The following ACACB variants were observed in gnomAD, a reference collection of about 807,000 sequenced individuals.
ACACB encodes the protein acetyl-CoA carboxylase beta.
Under a neutral mutation model 278.8 loss-of-function variants are expected in ACACB, and 209 were observed. The ratio of observed to expected loss-of-function variants is 0.75; its 90% CI spans 0.67 to 0.84. The LOEUF (loss-of-function observed/expected upper bound fraction) is 0.84, where lower values mean the gene tolerates loss of function less well. ACACB is among the 40% of genes least tolerant of loss of function. ACACB has a pLI of 0.00. For synonymous variants in ACACB, 1,174 were observed against 1,285.6 expected, an observed-to-expected ratio of 0.91 and a Z score of 1.86; for missense variants, 2,850 against 3,269.0, an observed-to-expected ratio of 0.87 and a Z score of 3.13.
intron 29 of ACACB, among the ~76,000 whole-genome samples, chr12:109,233,294 T>G (rs951664803): frequency 3.3e-5 from 5 of 152,258 alleles, no homozygotes; most frequent in Non-Finnish European, 7.3e-5. Context: ...GTTACTGTTA[T>G]AGTCTTTTTT....
intron 1 of ACACB, among the ~76,000 whole-genome samples, chr12:109,133,762 G>A (rs2042889828): frequency 6.8e-6 from 1 of 146,816 alleles, no homozygotes; most frequent in African/African-American, 2.6e-5. Flanking sequence ...CCTGAATGCA[G>A]TTTCAGAAAT....
At chr12:109,142,545 ATCTC>A (rs1299159763) in intron 2 of ACACB, among the ~76,000 whole-genome samples, 2 of 151,770 alleles carry the variant, frequency 1.3e-5, no homozygotes, top group Non-Finnish European at 2.9e-5. Context: ...GGCGAAAACT[ATCTC>A]TCTCTTTCTC....
At chr12:109,213,975 C>T (rs921974271) in intron 22 of ACACB, among the ~76,000 whole-genome samples, 1 of 151,996 alleles carries the variant, frequency 6.6e-6, no homozygotes, top group South Asian at 2.1e-4. Context: ...ACAATCAGGG[C>T]CAGGCGCTGT....
intron 9 of ACACB, among the ~76,000 whole-genome samples, chr12:109,177,035 T>A (rs925786825): frequency 3.3e-5 from 5 of 152,252 alleles, no homozygotes; most frequent in African/African-American, 9.6e-5. Flanking sequence ...CTGACAATCT[T>A]CCCATTCTTA....
At chr12:109,122,296 G>A (rs2042566661) in intron 1 of ACACB, among the ~76,000 whole-genome samples, 1 of 152,212 alleles carries the variant, frequency 6.6e-6, no homozygotes, top group Non-Finnish European at 1.5e-5. Flanking sequence ...TCACAAGGTG[G>A]AATGAGACAA....
In ACACB at chr12:109,251,924, G is replaced by A. The variant is rs1219718654; in HGVS notation, c.5791-122G>A. The A allele has an allele frequency of 1.3e-5, 8 of 615,234 alleles. No individual in the cohort carries two copies. The East Asian group carries it at 1.5e-4, about 12-fold the overall frequency. The allele number at this position is 615,234 out of a possible 1,614,324, so 38.1% of individuals were successfully genotyped here. A position where few individuals can be genotyped will look rare whatever the true frequency, so the allele number is the denominator to read the frequency against. On this transcript the variant is annotated intron_variant, in intron 41 of 52. Transcript: ENST00000338432. ...CTCTACTGTGGTTTGGCTCCAAATC[G>A]GGTTGCCATTGGTCAAAACATAACT... is the stretch of plus-strand genomic sequence containing the variant.
chr12:109,242,315 G>T, intron 36 of ACACB, 122 bp from the exon 37 acceptor site: 1 of 1,133,126 alleles, frequency 8.8e-7, no homozygotes, highest in East Asian at 2.4e-5. Context: ...CACTCACTTT[G>T]TCATGCCATG....
upstream of ACACB, among the ~76,000 whole-genome samples, chr12:109,112,339 C>CT (rs1418328256): frequency 6.7e-6 from 1 of 149,940 alleles, no homozygotes; most frequent in African/African-American, 2.5e-5. Flanking sequence ...TGTGGTGACA[C>CT]TTTAAACAGT....
chr12:109,212,730 C>T (rs983078500), intron 21 of ACACB, 106 bp from the exon 22 acceptor site: 8 of 885,206 alleles, frequency 9.0e-6, no homozygotes, highest in South Asian at 3.0e-5. Context: ...TAACAGGCCA[C>T]GGACCAGTGC....
rs143471216 is a variant in ACACB at position 109,118,509 on chromosome 12, G to A, written c.-10+1805G>A. Among the ~76,000 whole-genome samples the A allele has an allele frequency of 1.2e-3, 178 of 151,512 alleles. 3 individuals are homozygous for A. Among genetic ancestry groups the A allele is most frequent in the African/African-American group, 6.8e-4 (28 of 41,212 alleles). On this transcript the variant is annotated intron_variant, in intron 1 of 52. Transcript: ENST00000338432. ...GCTCACTGCAACCCCTGCCTCCCAG[G>A]TTCAAGCAATTCCTCAGTCTCAGTC...
At chr12:109,135,066 G>A (rs2042933584) in intron 1 of ACACB, among the ~76,000 whole-genome samples, 1 of 152,068 alleles carries the variant, frequency 6.6e-6, no homozygotes, top group African/African-American at 2.4e-5. Flanking sequence ...ATAATTCTAT[G>A]TTCAACTTTT....
At chr12:109,228,141 G>A (rs2046368064) in intron 28 of ACACB, among the ~76,000 whole-genome samples, 1 of 151,572 alleles carries the variant, frequency 6.6e-6, no homozygotes. Context: ...TTCGAGACCA[G>A]CCTGGCCAAC....
intron 28 of ACACB, among the ~76,000 whole-genome samples, chr12:109,230,697 T>C (rs1039934202): frequency 1.3e-5 from 2 of 152,206 alleles, no homozygotes; most frequent in African/African-American, 4.8e-5. Context: ...CCCAAAGTGC[T>C]GATATTATAG....
Position 109,181,840 on chromosome 12 carries a change from C to CTTTTTTTTTTTTTTTTT in ACACB, c.1818+1759_1818+1775dup, listed in dbSNP as rs34174568. On this transcript the variant is annotated intron_variant, in intron 11 of 52. Coordinates refer to ENST00000338432, the MANE Select transcript of ACACB (RefSeq NM_001093.4). ...CTTTTTCTGTTTTCTTTTTCCTTTC[C>CTTTTTTTTTTTTTTTTT]TTTTTTTTTTTTTTTTTTTTTTGAG... Among the ~76,000 whole-genome samples, 3 of 81,550 alleles carry CTTTTTTTTTTTTTTTTT rather than the reference C, an allele frequency of 3.7e-5. 1 individual carries two copies. Among genetic ancestry groups the CTTTTTTTTTTTTTTTTT allele is most frequent in the Non-Finnish European group, 2.1e-5 (1 of 46,520 alleles). 53.5% of individuals were successfully genotyped at this position (81,550 alleles called of 152,430 possible).
At chr12:109,123,577 C>G (rs200787923) in intron 1 of ACACB, among the ~76,000 whole-genome samples, 1 of 151,956 alleles carries the variant, frequency 6.6e-6, no homozygotes, top group Non-Finnish European at 1.5e-5. Context: ...CCTGTAATCC[C>G]AACTACTCAG....
intron 11 of ACACB, among the ~76,000 whole-genome samples, chr12:109,185,232 A>C (rs2044612878): frequency 6.6e-6 from 1 of 152,082 alleles, no homozygotes; most frequent in Admixed American, 6.5e-5. Context: ...CCTTTACAAA[A>C]ACTTCCTTTA....
At chr12:109,207,033 G>A (rs2045540901) in intron 20 of ACACB, among the ~76,000 whole-genome samples, 177 bp downstream of exon 20, 1 of 152,124 alleles carries the variant, frequency 6.6e-6, no homozygotes, top group Admixed American at 6.6e-5. Flanking sequence ...CAGACTCACT[G>A]CAGCCTCGAC....
chr12:109,245,001 A>C (rs761261346), intron 37 of ACACB, among the ~76,000 whole-genome samples: 1 of 152,010 alleles, frequency 6.6e-6, no homozygotes, highest in African/African-American at 2.4e-5. Flanking sequence ...GGAATTTGAG[A>C]CTAGCCTGAC....
At chr12:109,188,527 T>C (rs566198077) in intron 13 of ACACB, among the ~76,000 whole-genome samples, 1 of 151,066 alleles carries the variant, frequency 6.6e-6, no homozygotes, top group Non-Finnish European at 1.5e-5. Context: ...CTTCTTTCCT[T>C]CCTTCCTTCT....
Sources: allele counts gnomAD v4.1 joint callset (sites outside exome capture counted in the v4.1 genomes callset), GRCh38; gene constraint gnomAD v4.1.1; transcripts MANE v1.5; gene names NCBI Gene and HGNC (gene_info 2026-07-23, HGNC 2026-07-21).